GLIS1: variants seen among roughly 807,000 people sequenced by gnomAD.
GLIS1 encodes zinc finger protein GLIS1.
In GLIS1, 24 loss-of-function variants were observed where a neutral mutation model predicts 63.8. That is an observed-to-expected ratio of 0.38 (90% confidence interval 0.27 to 0.53). The LOEUF is 0.53. Among genes scored for constraint, GLIS1 ranks in the 20% least tolerant of loss-of-function variants. GLIS1 has a pLI of 0.85. For synonymous variants in GLIS1, 450 were observed against 482.5 expected, an observed-to-expected ratio of 0.93 and a Z score of 0.88; for missense variants, 1,036 against 1,074.1, an observed-to-expected ratio of 0.96 and a Z score of 0.50.
intron 2 of GLIS1, among the ~76,000 whole-genome samples, chr1:53,633,926 G>C (rs1291502412): frequency 6.6e-6 from 1 of 152,194 alleles, no homozygotes; most frequent in Non-Finnish European, 1.5e-5. Context: ...ATCCACCAGT[G>C]AACAGAGAAT....
chr1:53,641,006 C>T (rs775646846), intron 2 of GLIS1, among the ~76,000 whole-genome samples: 1 of 152,098 alleles, frequency 6.6e-6, no homozygotes, highest in Non-Finnish European at 1.5e-5. Flanking sequence ...GGAGACAGGC[C>T]CAGCTGATGA....
chr1:53,725,529 T>G (rs1404660230), intron 2 of GLIS1, among the ~76,000 whole-genome samples: 1 of 151,996 alleles, frequency 6.6e-6, no homozygotes, highest in Non-Finnish European at 1.5e-5. Context: ...AATGATAAGG[T>G]GCTGATGCCG....
intron 4 of GLIS1, among the ~76,000 whole-genome samples, chr1:53,544,237 T>G (rs1440966280): frequency 6.6e-6 from 1 of 152,140 alleles, no homozygotes; most frequent in Non-Finnish European, 1.5e-5. Context: ...AGAAAATAGA[T>G]CACTGCATTG....
rs751752843 is a variant in GLIS1 at position 53,506,603 on chromosome 1, G to A, written c.*16C>T. The A allele has an allele frequency of 8.7e-6, 14 of 1,612,284 alleles. No homozygotes were observed. Among genetic ancestry groups the A allele is most frequent in the East Asian group, 4.5e-5 (2 of 44,874 alleles). On this transcript the variant is annotated 3_prime_UTR_variant, in exon 11 of 11. Transcript: ENST00000628545. ...CATCTGCAGTGCTGGATGGGCAGGC[G>A]CATGTGGGGGCTCCTTCAGGTGTCT...
At chr1:53,527,943 G>A (rs1325702390) in intron 5 of GLIS1, among the ~76,000 whole-genome samples, 1 of 152,210 alleles carries the variant, frequency 6.6e-6, no homozygotes, top group Non-Finnish European at 1.5e-5. Flanking sequence ...CTGTTGCTTT[G>A]GGGCTGGGTC....
At chr1:53,684,957 TC>T (rs1419667606) in intron 2 of GLIS1, among the ~76,000 whole-genome samples, 28 of 152,136 alleles carry the variant, frequency 1.8e-4, no homozygotes, top group Non-Finnish European at 2.6e-4. Context: ...ATCAAGAGAC[TC>T]ACGGGAGGGG....
At chr1:53,544,393 G>A (rs1644677334) in intron 4 of GLIS1, among the ~76,000 whole-genome samples, 1 of 152,180 alleles carries the variant, frequency 6.6e-6, no homozygotes, top group Admixed American at 6.5e-5. Flanking sequence ...CCTTCGGGCA[G>A]CTCACTTGCC....
At chr1:53,576,560 C>T (rs1258546852) in intron 4 of GLIS1, among the ~76,000 whole-genome samples, 1 of 152,154 alleles carries the variant, frequency 6.6e-6, no homozygotes, top group Non-Finnish European at 1.5e-5. Flanking sequence ...CTCTGGCCCC[C>T]ACCTCCTCAC....
intron 2 of GLIS1, among the ~76,000 whole-genome samples, chr1:53,735,574 G>A (rs769518389): frequency 6.6e-6 from 1 of 152,202 alleles, no homozygotes; most frequent in Non-Finnish European, 1.5e-5. Context: ...ATTTACAAAC[G>A]AAGGAACCAA....
chr1:53,542,573 C>A (rs899522186), intron 4 of GLIS1, among the ~76,000 whole-genome samples: 5 of 152,186 alleles, frequency 3.3e-5, no homozygotes, highest in Non-Finnish European at 5.9e-5. Flanking sequence ...TAGTTGGGGG[C>A]TGGGAGAGAC....
At chr1:53,536,392 T>C (rs2100352648) in intron 4 of GLIS1, among the ~76,000 whole-genome samples, 1 of 152,208 alleles carries the variant, frequency 6.6e-6, no homozygotes, top group Non-Finnish European at 1.5e-5. Flanking sequence ...GTAAAACATA[T>C]TTGAAGATGA....
At chr1:53,591,791 C>A (rs1645195177) in intron 4 of GLIS1, among the ~76,000 whole-genome samples, 3 of 152,230 alleles carry the variant, frequency 2.0e-5, no homozygotes, top group Admixed American at 2.0e-4. Context: ...GAGGCAAGAC[C>A]AAGTGTTCTC....
intron 4 of GLIS1, among the ~76,000 whole-genome samples, chr1:53,531,935 C>A (rs1644535306): frequency 6.6e-6 from 1 of 152,188 alleles, no homozygotes; most frequent in Admixed American, 6.5e-5. Flanking sequence ...GTGACGCACA[C>A]TGAAGGCCAA....
At chr1:53,700,574 G>C (rs1646513021) in intron 2 of GLIS1, among the ~76,000 whole-genome samples, 1 of 152,096 alleles carries the variant, frequency 6.6e-6, no homozygotes, top group South Asian at 2.1e-4. Flanking sequence ...GGGGTGGAGG[G>C]GTCAGATCCT....
chr1:53,515,148 G>A (rs893620854), intron 7 of GLIS1, among the ~76,000 whole-genome samples: 1 of 151,052 alleles, frequency 6.6e-6, no homozygotes, highest in Admixed American at 6.6e-5. Flanking sequence ...TATAGGGCAG[G>A]CTGCCTCAAA....
chr1:53,654,832 A>T (rs1408699973), intron 2 of GLIS1, among the ~76,000 whole-genome samples: 1 of 152,164 alleles, frequency 6.6e-6, no homozygotes, highest in African/African-American at 2.4e-5. Context: ...ATGGAGAGAG[A>T]GAAATGGGAC....
At position 53,600,259 on chromosome 1, in the gene GLIS1, G is replaced by A. The variant is rs1473531484; in HGVS notation, c.279C>T (p.His93=). 4 of 1,231,952 alleles carry A rather than the reference G, an allele frequency of 3.2e-6. No individual in the cohort carries two copies. The African/African-American group carries it at 6.2e-5, about 19-fold the overall frequency. 76.3% of individuals were successfully genotyped at this position (1,231,952 alleles called of 1,614,324 possible). Residue 93 remains histidine, a synonymous_variant, in exon 3 of 11, where the codon CAC becomes CAT. Transcript: ENST00000628545. ...GGCTCTTCTCTGAGCCCGGGGTACG[G>A]TGTCCGTAGCTCCCATTCACTAGGC... ...AAGKVNGSYG[H]RTPGSEKSLL...
intron 2 of GLIS1, among the ~76,000 whole-genome samples, chr1:53,734,361 G>A (rs570051231): frequency 3.3e-5 from 5 of 152,198 alleles, no homozygotes; most frequent in Non-Finnish European, 7.3e-5. Flanking sequence ...ATGTGAGACA[G>A]TAGAAATACC....
intron 4 of GLIS1, among the ~76,000 whole-genome samples, chr1:53,590,851 T>C (rs1004759970): frequency 2.0e-4 from 30 of 152,270 alleles, no homozygotes; most frequent in Admixed American, 1.8e-3. Flanking sequence ...GTCCCAGGCC[T>C]GGCCTAAGGA....
Sources: gnomAD v4.1 joint callset for allele counts (sites outside exome capture counted in the v4.1 genomes callset) on GRCh38, gnomAD v4.1.1 for gene constraint, MANE v1.5 for transcripts, NCBI Gene and HGNC (gene_info 2026-07-23, HGNC 2026-07-21) for gene names.